DOT1L: variants seen among roughly 807,000 people sequenced by gnomAD.
The protein encoded by DOT1L is DOT1 like histone lysine methyltransferase, also known as histone-lysine N-methyltransferase, H3 lysine-79 specific.
In DOT1L, 33 loss-of-function variants were observed where a neutral mutation model predicts 153.3. The observed-to-expected ratio is 0.22, with a 90% CI of 0.16 to 0.29. The LOEUF (loss-of-function observed/expected upper bound fraction) is 0.29. DOT1L is among the 10% of genes least tolerant of loss of function. The pLI is 1.00. For missense variants in DOT1L, 1,847 were observed against 2,119.9 expected, an observed-to-expected ratio of 0.87 and a Z score of 2.53; for synonymous variants, 1,135 against 965.1, an observed-to-expected ratio of 1.18 and a Z score of -3.26.
chr19:2,228,274 C>G (rs773903511), intron 27 of DOT1L: 2 of 1,358,466 alleles, frequency 1.5e-6, no homozygotes, highest in Admixed American at 1.9e-5. Context: ...GCCACGGGGC[C>G]GTCCGCGGTG....
At chr19:2,225,551 C>T (rs2024291015) in intron 26 of DOT1L, 99 bp downstream of exon 26, 2 of 1,289,762 alleles carry the variant, frequency 1.6e-6, no homozygotes, top group Non-Finnish European at 2.3e-6. Context: ...TGCATCGTGT[C>T]CCGCATGGTG....
In DOT1L at chr19:2,221,977, C is replaced by T. The variant is rs772403597; in HGVS notation, c.2808C>T (p.Gly936=). The T allele has an allele frequency of 1.9e-6, 3 of 1,601,390 alleles. No individual in the cohort carries two copies. In the African/African-American group the frequency reaches 4.0e-5, roughly 21 times the overall value. Reference sequence around the variant, plus strand: ...AGACCCCCATGTCCTTCCCGGCAGGCTTCTCCTACGCTGGCTCGGTGGCCA... The same window carrying T: ...AGACCCCCATGTCCTTCCCGGCAGGTTTCTCCTACGCTGGCTCGGTGGCCA... ...GSRSLALAPA[G]FSYAGSVAIS... Residue 936 remains glycine (G), a splice_region_variant and synonymous_variant, in exon 24 of 28, where the codon GGC becomes GGT. Coordinates refer to ENST00000398665, the MANE Select transcript of DOT1L (RefSeq NM_032482.3).
chr19:2,216,342 G>C lies in DOT1L; in HGVS notation c.1985G>C (p.Cys662Ser), dbSNP rs756664480. 5 of 1,608,038 alleles carry C rather than the reference G, an allele frequency of 3.1e-6. No homozygotes were observed. Among genetic ancestry groups the C allele is most frequent in the Admixed American group, 3.3e-5 (2 of 59,838 alleles). ...RQQELLQLKS[C>S]VPPDDALSLH... is the part of the protein sequence containing the mutation. ...CAGGAGCTCCTGCAGCTCAAGTCCT[G>C]TGTGCCGCCTGACGACGCCCTGTCC... is the stretch of plus-strand genomic sequence containing the variant. Residue 662 changes from cysteine to serine, a missense_variant, in exon 20 of 28, where the codon TGT (cysteine) becomes TCT (serine). Physicochemically the swap from Cys to Ser is moderately radical, Grantham distance 112. This residue lies in a region of DOT1L where 156 missense variants were observed against 235.7 expected (regional missense o/e 0.66). Coordinates refer to ENST00000398665, the MANE Select transcript of DOT1L (RefSeq NM_032482.3).
At position 2,208,297 on chromosome 19, in the gene DOT1L, T is replaced by A. The variant is rs2023581611; in HGVS notation, c.963+617T>A. ...TCCCGTCCTTTGGTTGGGCACTCTG[T>A]TCCTGTTGTTGGGGTAGCGGTGGTT... On this transcript the variant is annotated intron_variant, in intron 11 of 27. Coordinates refer to ENST00000398665, the MANE Select transcript of DOT1L (RefSeq NM_032482.3). This position sits in a 1 kb window ranked among gnomAD's most constrained non-coding sequence, Gnocchi z 4.4. 6.6e-6 allele frequency among the ~76,000 whole-genome samples: 1 copy of A among 152,120 alleles called. No individual in the cohort carries two copies. Among genetic ancestry groups the A allele is most frequent in the East Asian group, 1.9e-4 (1 of 5,174 alleles).
chr19:2,199,565 A>G (rs913043309), intron 7 of DOT1L, among the ~76,000 whole-genome samples: 2 of 152,166 alleles, frequency 1.3e-5, no homozygotes, highest in African/African-American at 4.8e-5. Context: ...TTACATTTCT[A>G]GGAGACTGCA....
chr19:2,213,400 C>T, intron 16 of DOT1L, 139 bp from the exon 17 acceptor site: 1 of 789,598 alleles, frequency 1.3e-6, no homozygotes, highest in Non-Finnish European at 2.0e-6. Flanking sequence ...CTTGACATCT[C>T]AGCCCGGTGT....
intron 1 of DOT1L, among the ~76,000 whole-genome samples, chr19:2,174,982 G>A (rs1599535221): frequency 9.3e-6 from 1 of 108,078 alleles, no homozygotes. Context: ...GTGTGTGTGT[G>A]TGTGTGTGTG....
chr19:2,220,780 A>C lies in DOT1L; in HGVS notation c.2806+558A>C. The C allele has an allele frequency of 5.8e-6, 2 of 344,674 alleles. No homozygotes were observed. Among genetic ancestry groups the C allele is most frequent in the South Asian group, 4.4e-5 (2 of 45,594 alleles). 21.4% of individuals were successfully genotyped at this position (344,674 alleles called of 1,614,324 possible). ...TCAGCGGGCATGGCTGTGTGCCAGC[A>C]AAACTGTACTTAAAACAGCAGAGGA... On this transcript the variant is annotated intron_variant, in intron 23 of 27. Transcript: ENST00000398665. The surrounding 1 kb of genome is among the most constrained non-coding windows in gnomAD (Gnocchi z 4.5).
Position 2,220,278 on chromosome 19 carries a change from G to C in DOT1L, c.2806+56G>C, listed in dbSNP as rs1472757067. ...ACTCTGCTGCTGCTGCTGCTCTTCAGGCAGGAGGGCTGGGTTGCTGGGAGT... is the reference window on the plus strand; with the variant it reads ...ACTCTGCTGCTGCTGCTGCTCTTCACGCAGGAGGGCTGGGTTGCTGGGAGT... On this transcript the variant is annotated intron_variant, in intron 23 of 27. Coordinates refer to ENST00000398665, the MANE Select transcript of DOT1L (RefSeq NM_032482.3). The surrounding 1 kb of genome is among the most constrained non-coding windows in gnomAD (Gnocchi z 4.5). 3.9e-6 allele frequency: 6 copies of C among 1,538,466 alleles called. No individual in the cohort carries two copies. The highest frequency in any genetic ancestry group is 5.3e-6 in the Non-Finnish European group (6 of 1,131,126).
rs560434816 is a variant in DOT1L, at chr19:2,184,733, T to C, written c.126-1122T>C. On this transcript the variant is annotated intron_variant, in intron 2 of 27. Coordinates refer to ENST00000398665, the MANE Select transcript of DOT1L (RefSeq NM_032482.3). ...GGCACCGAATGCCGTCCTGTGGGCTTTCCGTACTCGCCCACACGGGGCTGC... is the reference window on the plus strand; with the variant it reads ...GGCACCGAATGCCGTCCTGTGGGCTCTCCGTACTCGCCCACACGGGGCTGC... Among the ~76,000 whole-genome samples the C allele has an allele frequency of 3.5e-4, 53 of 152,310 alleles. 1 individual carries two copies. Among genetic ancestry groups the C allele is most frequent in the African/African-American group, 1.2e-3 (50 of 41,564 alleles).
intron 2 of DOT1L, among the ~76,000 whole-genome samples, chr19:2,183,275 A>G (rs1323550700): frequency 2.0e-5 from 3 of 152,056 alleles, no homozygotes; most frequent in Non-Finnish European, 2.9e-5. Flanking sequence ...GGTTCAAGCA[A>G]TTCTCCTGCC....
chr19:2,190,915 A>C lies in DOT1L; in HGVS notation c.265-97A>C. 8.5e-7 allele frequency: 1 copy of C among 1,180,600 alleles called. No individual in the cohort carries two copies. The highest frequency in any genetic ancestry group is 2.3e-5 in the Admixed American group (1 of 44,242). The allele number at this position is 1,180,600 out of a possible 1,614,324, so 73.1% of individuals were successfully genotyped here. ...AGGGGGACGAGAGGCCATGCAGCCG[A>C]CTCCCTGCTTCCGCTGGGAAAGGTC... On this transcript the variant is annotated intron_variant, in intron 4 of 27. Coordinates refer to ENST00000398665, the MANE Select transcript of DOT1L (RefSeq NM_032482.3). This position sits in a 1 kb window ranked among gnomAD's most constrained non-coding sequence, Gnocchi z 4.8.
rs762029066 is a variant in DOT1L at position 2,226,900 on chromosome 19, C to T, written c.4379C>T (p.Thr1460Met). 52 of 1,577,806 alleles carry T rather than the reference C, an allele frequency of 3.3e-5. No individual in the cohort carries two copies. In the Admixed American group the frequency reaches 7.5e-4, roughly 23 times the overall value. ...SAGGAASSAQ[T>M]HRSFLGPFPP... ...GGCGGCGCGGCGTCCTCCGCCCAGA[C>T]GCACCGGTCCTTCCTGGGCCCCTTC... is the stretch of plus-strand genomic sequence containing the variant. The change falls in exon 27 of 28, where the codon ACG becomes ATG. Residue 1460 changes from threonine to methionine, a missense_variant. By Grantham distance (81) the Thr-to-Met change is moderately conservative. Transcript: ENST00000398665.
Position 2,216,018 on chromosome 19 carries a change from G to A in DOT1L, c.1924-263G>A, listed in dbSNP as rs1025137447. The A allele has an allele frequency of 5.0e-5, 23 of 457,648 alleles. 1 individual carries two copies. The South Asian group carries it at 7.3e-4, about 15-fold the overall frequency. The allele number at this position is 457,648 out of a possible 1,614,324, so 28.3% of individuals were successfully genotyped here. On this transcript the variant is annotated intron_variant, in intron 19 of 27. Transcript: ENST00000398665. ...ACACTTAGAGTCTATTTTGAGAGAC[G>A]AGAGCTCTTTGTATCTTCCTGTTGC...
At chr19:2,211,427 G>T (rs1025875104) in intron 15 of DOT1L, among the ~76,000 whole-genome samples, 4 of 152,234 alleles carry the variant, frequency 2.6e-5, no homozygotes, top group Non-Finnish European at 5.9e-5. Flanking sequence ...GAGATGCTGG[G>T]TGACACTTGG....
At chr19:2,211,039 G>A (rs1214454463) in intron 14 of DOT1L, 60 bp from the exon 15 acceptor site, 3 of 1,540,524 alleles carry the variant, frequency 1.9e-6, no homozygotes, top group East Asian at 2.3e-5. Context: ...CCATGCTGAC[G>A]CCTCTGCCCA....
chr19:2,181,394 C>T (rs113148070), intron 2 of DOT1L, among the ~76,000 whole-genome samples: 6,222 of 152,290 alleles, frequency 0.041, 420 homozygotes, highest in African/African-American at 0.14. Context: ...GGACACCGCC[C>T]GTGCCCATGC....
At chr19:2,174,460 G>C (rs1229642271) in intron 1 of DOT1L, among the ~76,000 whole-genome samples, 1 of 152,176 alleles carries the variant, frequency 6.6e-6, no homozygotes, top group African/African-American at 2.4e-5. Flanking sequence ...GCCGAGGCGG[G>C]CAGATCACCT....
rs1343549542 is a variant in DOT1L at position 2,208,159 on chromosome 19, G to A, written c.963+479G>A. ...TCCTCTGACACAGCCCTGGGCCAGT[G>A]TGCGGCCTGCCTGCCTCCCACGGTG... is the stretch of plus-strand genomic sequence containing the variant. On this transcript the variant is annotated intron_variant, in intron 11 of 27. Coordinates refer to ENST00000398665, the MANE Select transcript of DOT1L (RefSeq NM_032482.3). The surrounding 1 kb of genome is among the most constrained non-coding windows in gnomAD (Gnocchi z 4.4). 1.3e-5 allele frequency among the ~76,000 whole-genome samples: 2 copies of A among 152,078 alleles called. No individual in the cohort carries two copies. Among genetic ancestry groups the A allele is most frequent in the African/African-American group, 2.4e-5 (1 of 41,398 alleles).
Sources: allele counts gnomAD v4.1 joint callset (sites outside exome capture counted in the v4.1 genomes callset), GRCh38; gene constraint gnomAD v4.1.1; regional missense constraint gnomAD v4.1.1; non-coding constraint Gnocchi (gnomAD v3.1); transcripts MANE v1.5; gene names NCBI Gene and HGNC (gene_info 2026-07-23, HGNC 2026-07-21).